SELPLG: variants seen among roughly 807,000 people sequenced by gnomAD.
SELPLG encodes the protein selectin P ligand.
SELPLG carries 2 observed loss-of-function variants against 1.1 expected under a neutral mutation model. The ratio of observed to expected loss-of-function variants is 1.82; its 90% CI spans 0.74 to 5.71. The LOEUF (loss-of-function observed/expected upper bound fraction) is 5.71. Among genes scored for constraint, SELPLG ranks in the 30% most tolerant of loss-of-function variants. SELPLG has a pLI of 0.05. For missense variants in SELPLG, 478 were observed against 524.7 expected, an observed-to-expected ratio of 0.91 and a Z score of 0.87; for synonymous variants, 230 against 221.2, an observed-to-expected ratio of 1.04 and a Z score of -0.35.
At chr12:108,632,345 G>A (rs1328588560) in intron 1 of SELPLG, among the ~76,000 whole-genome samples, 2 of 151,494 alleles carry the variant, frequency 1.3e-5, no homozygotes, top group East Asian at 1.9e-4. Context: ...GAGGAAAGAG[G>A]AAGAGAATTC....
At position 108,622,770 on chromosome 12, in the gene SELPLG, T is replaced by G; in HGVS notation, c.*299A>C. On this transcript the variant is annotated 3_prime_UTR_variant, in exon 2 of 2. Coordinates refer to ENST00000550948, the MANE Select transcript of SELPLG (RefSeq NM_003006.4). ...AGATGTTAGAGGGACCCAGAGAAGA[T>G]GGGGGACAGGAAAAAGGAGAGAATC... is the stretch of plus-strand genomic sequence containing the variant. 1 of 364,042 alleles carries G rather than the reference T, an allele frequency of 2.7e-6. No individual in the cohort carries two copies. Among genetic ancestry groups the G allele is most frequent in the Non-Finnish European group, 5.0e-6 (1 of 201,044 alleles). The allele number at this position is 364,042 out of a possible 1,614,324, so 22.6% of individuals were successfully genotyped here.
In SELPLG at chr12:108,623,122, G is replaced by C; in HGVS notation, c.1186C>G (p.Pro396Ala). The change falls in exon 2 of 2, where the codon CCC (proline) becomes GCC (alanine). Residue 396 changes from proline (P) to alanine (A), a missense_variant. By Grantham distance (27) the Pro-to-Ala change is conservative (BLOSUM62 -1). Coordinates refer to ENST00000550948, the MANE Select transcript of SELPLG (RefSeq NM_003006.4). ...KAKSPGLTPE[P>A]REDREGDDLT... Reference sequence around the variant, plus strand: ...TCATCCCCCTCACGGTCCTCCCTGGGCTCTGGCGTCAGGCCCGGGCTCTTG... The same window carrying C: ...TCATCCCCCTCACGGTCCTCCCTGGCCTCTGGCGTCAGGCCCGGGCTCTTG... 1 of 1,583,690 alleles carries C rather than the reference G, an allele frequency of 6.3e-7. No homozygotes were observed. The highest frequency in any genetic ancestry group is 2.3e-5 in the East Asian group (1 of 44,438).
chr12:108,624,376 C>A (rs1381367448), intron 1 of SELPLG, 64 bp from the exon 2 acceptor site: 2 of 1,464,864 alleles, frequency 1.4e-6, no homozygotes, highest in Admixed American at 3.9e-5. Flanking sequence ...AGCAAGCACC[C>A]TAGACCACCA....
Position 108,623,457 on chromosome 12 carries a change from A to G in SELPLG, c.851T>C (p.Ile284Thr). Residue 284 changes from isoleucine to threonine, a missense_variant, in exon 2 of 2, where the codon ATA becomes ACA. Transcript: ENST00000550948. ...AGTAACAGAGGACACAGAAAAGGGT[A>G]TGAACAGACCTCTTTTGGTAGTAGG... ...MEPTTKRGLF[I>T]PFSVSSVTHK... is the part of the protein sequence containing the mutation. 6.2e-7 allele frequency: 1 copy of G among 1,614,248 alleles called. No homozygotes were observed. Among genetic ancestry groups the G allele is most frequent in the Non-Finnish European group, 8.5e-7 (1 of 1,180,040 alleles).
chr12:108,622,454 T>C lies in SELPLG; in HGVS notation c.*615A>G, dbSNP rs1555211860. 6.6e-6 allele frequency: 1 copy of C among 152,388 alleles called. No homozygotes were observed. The highest frequency in any genetic ancestry group is 2.4e-5 in the African/African-American group (1 of 41,446). The allele number at this position is 152,388 out of a possible 1,614,324, so 9.4% of individuals were successfully genotyped here. A position where few individuals can be genotyped will look rare whatever the true frequency, so the allele number is the denominator to read the frequency against. ...ACAGTCCCAAAGAAAGGTCTGCCCT[T>C]GGGCCCACGAAACCCATCCCAGCCC... is the stretch of plus-strand genomic sequence containing the variant. On this transcript the variant is annotated 3_prime_UTR_variant, in exon 2 of 2. Coordinates refer to ENST00000550948, the MANE Select transcript of SELPLG (RefSeq NM_003006.4).
chr12:108,630,099 C>A lies in SELPLG; in HGVS notation c.-6+3641G>T, dbSNP rs1299362116. The stretch of plus-strand genomic sequence containing the variant: ...AAAAACAGTCCCACAGAAGTGGGGC[C>A]AGGGCAGGGCTCCGACAGAGGCGTC... On this transcript the variant is annotated intron_variant, in intron 1 of 1. Transcript: ENST00000550948. Among the ~76,000 whole-genome samples, 3 of 152,234 alleles carry A rather than the reference C, an allele frequency of 2.0e-5. No homozygotes were observed. In the East Asian group the frequency reaches 5.8e-4, roughly 29 times the overall value.
chr12:108,625,092 C>G (rs889869285), intron 1 of SELPLG, among the ~76,000 whole-genome samples: 1 of 152,146 alleles, frequency 6.6e-6, no homozygotes, highest in Non-Finnish European at 1.5e-5. Flanking sequence ...TGACCACTTA[C>G]GAAGTCCATA....
intron 1 of SELPLG, among the ~76,000 whole-genome samples, chr12:108,629,531 T>C (rs1053173046): frequency 2.0e-5 from 3 of 152,136 alleles, no homozygotes; most frequent in Non-Finnish European, 4.4e-5. Flanking sequence ...GGCAACATAC[T>C]GAGACCCATA....
chr12:108,630,340 G>A (rs8179121), intron 1 of SELPLG, among the ~76,000 whole-genome samples: 25,820 of 152,270 alleles, frequency 0.17, 2,888 homozygotes, highest in Admixed American at 0.28. Context: ...GAGCTGCTCA[G>A]GAAAGATCCT....
chr12:108,629,829 G>A (rs1226687847), intron 1 of SELPLG, among the ~76,000 whole-genome samples: 1 of 152,292 alleles, frequency 6.6e-6, no homozygotes, highest in African/African-American at 2.4e-5. Context: ...GTGTATGGCA[G>A]GTAGCATAAT....
At chr12:108,625,381 G>C (rs1456950822) in intron 1 of SELPLG, among the ~76,000 whole-genome samples, 1 of 152,186 alleles carries the variant, frequency 6.6e-6, no homozygotes, top group Admixed American at 6.5e-5. Flanking sequence ...AGGGATGACG[G>C]TGCCTACTTC....
intron 1 of SELPLG, among the ~76,000 whole-genome samples, chr12:108,625,126 G>A (rs1565889225): frequency 6.6e-6 from 1 of 152,130 alleles, no homozygotes; most frequent in Non-Finnish European, 1.5e-5. Context: ...GTAAACCACA[G>A]ACCTCCCAGA....
chr12:108,632,370 C>T (rs2032073525), intron 1 of SELPLG, among the ~76,000 whole-genome samples: 1 of 147,798 alleles, frequency 6.8e-6, no homozygotes, highest in African/African-American at 2.5e-5. Context: ...CAACAGAAGC[C>T]CAGATATCGA....
At chr12:108,626,962 G>A (rs190866726) in intron 1 of SELPLG, among the ~76,000 whole-genome samples, 321 of 152,190 alleles carry the variant, frequency 2.1e-3, no homozygotes, top group African/African-American at 7.0e-3. Context: ...AAAATTAGCC[G>A]GGCGTGGTGG....
At chr12:108,633,374 G>A (rs949446993) in intron 1 of SELPLG, among the ~76,000 whole-genome samples, 33 of 152,148 alleles carry the variant, frequency 2.2e-4, no homozygotes, top group Non-Finnish European at 3.1e-4. Context: ...GGCGATGTGC[G>A]CCTGTAGTCC....
intron 1 of SELPLG, 21 bp from the exon 2 acceptor site, chr12:108,624,333 G>A (rs1380669905): frequency 1.2e-6 from 2 of 1,606,366 alleles, no homozygotes; most frequent in African/African-American, 2.7e-5. Context: ...ACAATGGGCG[G>A]AGGGATGTCA....
intron 1 of SELPLG, among the ~76,000 whole-genome samples, chr12:108,625,657 T>C (rs1408987214): frequency 2.6e-5 from 4 of 152,194 alleles, no homozygotes. Context: ...GACTCTACAT[T>C]GTCCTCCCTA....
At chr12:108,631,795 G>T in intron 1 of SELPLG, 1 of 1,228,982 alleles carries the variant, frequency 8.1e-7, no homozygotes, top group Non-Finnish European at 1.2e-6. Context: ...TCTTTAAACA[G>T]TTTTCTAAAC....
chr12:108,631,863 C>T, intron 1 of SELPLG: 1 of 1,533,480 alleles, frequency 6.5e-7, no homozygotes, highest in Non-Finnish European at 8.7e-7. Flanking sequence ...ACACACCAGC[C>T]ATCTTATCTC....
Sources: gnomAD v4.1 joint callset for allele counts (sites outside exome capture counted in the v4.1 genomes callset) on GRCh38, gnomAD v4.1.1 for gene constraint, MANE v1.5 for transcripts, NCBI Gene and HGNC (gene_info 2026-07-23, HGNC 2026-07-21) for gene names.